Variants in MICAL2 observed in about 807,000 individuals in gnomAD.
MICAL2 encodes the protein microtubule associated monooxygenase, calponin and LIM domain containing 2.
MICAL2 carries 77 observed loss-of-function variants against 127.3 expected under a neutral mutation model. The ratio of observed to expected loss-of-function variants is 0.60; its 90% confidence interval spans 0.50 to 0.73. MICAL2 has a LOEUF of 0.73. MICAL2 is among the 30% of genes least tolerant of loss of function. The pLI, the probability that MICAL2 is intolerant of heterozygous loss-of-function variation, is 0.00. For synonymous variants in MICAL2, 570 were observed against 551.1 expected, an observed-to-expected ratio of 1.03 and a Z score of -0.48; for missense variants, 1,351 against 1,434.4, an observed-to-expected ratio of 0.94 and a Z score of 0.94.
At chr11:12,164,539 G>GCTTTGA in intron 3 of MICAL2, among the ~76,000 whole-genome samples, 1 of 152,204 alleles carries the variant, frequency 6.6e-6, no homozygotes, top group South Asian at 2.1e-4. Flanking sequence ...CTTAACTTGG[G>GCTTTGA]TGCTTTGATG....
upstream of MICAL2, among the ~76,000 whole-genome samples, chr11:12,272,295 G>C (rs1046987112): frequency 1.3e-5 from 2 of 152,182 alleles, no homozygotes; most frequent in African/African-American, 4.8e-5. Context: ...AGTCATAGCA[G>C]TGCCTTTAAC....
chr11:12,158,502 GAAA>G (rs5789716), intron 2 of MICAL2, among the ~76,000 whole-genome samples: 64,899 of 148,520 alleles, frequency 0.44, 16,801 homozygotes, highest in Middle Eastern at 0.62. Flanking sequence ...AAATATTCAG[GAAA>G]AAAAAAAAAC....
At chr11:12,217,435 G>A (rs771496345) in intron 8 of MICAL2, among the ~76,000 whole-genome samples, 13 of 152,290 alleles carry the variant, frequency 8.5e-5, no homozygotes, top group Non-Finnish European at 1.3e-4. Context: ...GGCTGAGCAC[G>A]CCAGCAGATG....
upstream of MICAL2, among the ~76,000 whole-genome samples, chr11:12,271,138 T>TGGCC (rs1006654963): frequency 3.3e-5 from 5 of 152,196 alleles, no homozygotes; most frequent in Non-Finnish European, 7.4e-5. Flanking sequence ...AGCAGGTATC[T>TGGCC]GGCCAGAGCT....
At chr11:12,321,761 A>G (rs1452958396) in intron 30 of MICAL2, among the ~76,000 whole-genome samples, 1 of 152,172 alleles carries the variant, frequency 6.6e-6, no homozygotes, top group Non-Finnish European at 1.5e-5. Flanking sequence ...CTCTTGAGAA[A>G]GAGTCAGAGT....
chr11:12,117,599 G>T (rs1440610060), intron 1 of MICAL2, among the ~76,000 whole-genome samples: 1 of 152,212 alleles, frequency 6.6e-6, no homozygotes, highest in East Asian at 1.9e-4. Flanking sequence ...ACTAACAAGA[G>T]CTGCCCTCTG....
intron 16 of MICAL2, 78 bp from the exon 17 acceptor site, chr11:12,239,358 G>T: frequency 1.3e-6 from 2 of 1,596,184 alleles, no homozygotes; most frequent in South Asian, 1.1e-5. Flanking sequence ...CTAGTCCCAC[G>T]TCCTGAGTCC....
chr11:12,233,440 C>T (rs1389792613), intron 15 of MICAL2, among the ~76,000 whole-genome samples: 1 of 152,182 alleles, frequency 6.6e-6, no homozygotes, highest in Non-Finnish European at 1.5e-5. Context: ...TTCCTATGAC[C>T]CATATCTAAA....
intron 29 of MICAL2, among the ~76,000 whole-genome samples, chr11:12,299,621 A>G (rs1864023531): frequency 6.6e-6 from 1 of 152,224 alleles, no homozygotes; most frequent in South Asian, 2.1e-4. Flanking sequence ...ATTCTTGTGT[A>G]TAATTAAAGA....
chr11:12,358,640 T>A, downstream of MICAL2: 1 of 588,994 alleles, frequency 1.7e-6, no homozygotes, highest in Non-Finnish European at 2.7e-6. Flanking sequence ...CATGGCAGCT[T>A]CCCAAGGTTC....
In MICAL2 at chr11:12,204,400, G is replaced by A. The variant is rs1378401651; in HGVS notation, c.415G>A (p.Gly139Ser). 6.2e-7 allele frequency: 1 copy of A among 1,612,688 alleles called. No individual in the cohort carries two copies. Among genetic ancestry groups the A allele is most frequent in the Non-Finnish European group, 8.5e-7 (1 of 1,179,156 alleles). ...GCCTTTCACCATCCATGACCTTCGT[G>A]GCCTGGGAGCCAAGAAGTTCTATGG... ...LWPFTIHDLR[G>S]LGAKKFYGKF... The change falls in exon 4 of 28, where the codon GGC becomes AGC. Residue 139 changes from glycine to serine, a missense_variant. By Grantham distance (56) the Gly-to-Ser change is moderately conservative (BLOSUM62 0). Transcript: ENST00000683283.
At chr11:12,355,460 C>T (rs1718862610) in intron 34 of MICAL2, among the ~76,000 whole-genome samples, 1 of 152,172 alleles carries the variant, frequency 6.6e-6, no homozygotes. Context: ...TTAGTTCCTG[C>T]CAGAAAGGCA....
chr11:12,250,958 C>A (rs1023065880), intron 22 of MICAL2, among the ~76,000 whole-genome samples: 1 of 152,108 alleles, frequency 6.6e-6, no homozygotes, highest in African/African-American at 2.4e-5. Flanking sequence ...TAGGATTTCT[C>A]CATGAGTTGA....
intron 3 of MICAL2, among the ~76,000 whole-genome samples, chr11:12,166,913 G>C (rs1387032174): frequency 6.6e-6 from 1 of 152,152 alleles, no homozygotes; most frequent in Non-Finnish European, 1.5e-5. Flanking sequence ...ATATTCTAGG[G>C]AGAGTGTGTT....
chr11:12,225,758 T>C (rs1463225210), intron 13 of MICAL2: 3 of 194,642 alleles, frequency 1.5e-5, no homozygotes, highest in Non-Finnish European at 2.2e-5. Context: ...CTGCTGGGAT[T>C]ATAGGTATGA....
intron 2 of MICAL2, among the ~76,000 whole-genome samples, chr11:12,148,717 G>C (rs74377045): frequency 6.6e-6 from 1 of 152,196 alleles, no homozygotes; most frequent in Non-Finnish European, 1.5e-5. Context: ...GCTTCAGAAC[G>C]CACAGTCAGG....
intron 29 of MICAL2, among the ~76,000 whole-genome samples, chr11:12,306,418 A>C (rs1472356929): frequency 6.6e-6 from 1 of 152,206 alleles, no homozygotes; most frequent in East Asian, 1.9e-4. Flanking sequence ...TTAGGTAGAA[A>C]AACAATTGAA....
Position 12,311,783 on chromosome 11 carries a change from T to A in MICAL2, c.5213-7913T>A, listed in dbSNP as rs928345909. On this transcript the variant is annotated intron_variant, in intron 29 of 34. Transcript: ENST00000646065. ...CATAACACAACTTGAGAGTGTCCTT[T>A]TTCTGTTCTCTGGAAGAGCTTTTTG... is the stretch of plus-strand genomic sequence containing the variant. 5.9e-5 allele frequency among the ~76,000 whole-genome samples: 9 copies of A among 152,340 alleles called. 1 individual carries two copies. In the East Asian group the frequency reaches 1.7e-3, roughly 29 times the overall value.
intron 1 of MICAL2, among the ~76,000 whole-genome samples, chr11:12,127,067 G>A (rs1186758118): frequency 2.0e-5 from 3 of 152,294 alleles, no homozygotes; most frequent in South Asian, 2.1e-4. Flanking sequence ...TAGGACAGAT[G>A]CAAAGAGGCT....
Sources: allele counts gnomAD v4.1 joint callset (sites outside exome capture counted in the v4.1 genomes callset), GRCh38; gene constraint gnomAD v4.1.1; transcripts MANE v1.5; gene names NCBI Gene and HGNC (gene_info 2026-07-23, HGNC 2026-07-21).